The following SLC1A3 variants were observed in gnomAD, a reference collection of about 807,000 sequenced individuals.
SLC1A3 encodes solute carrier family 1 member 3.
Under a neutral mutation model 48.1 loss-of-function variants are expected in SLC1A3, and 21 were observed. The ratio of observed to expected loss-of-function variants is 0.44; its 90% CI spans 0.31 to 0.63. The LOEUF (loss-of-function observed/expected upper bound fraction) is 0.63, where lower values mean the gene tolerates loss of function less well. Ranked by LOEUF, SLC1A3 falls within the 20% of genes least tolerant of loss-of-function variation. SLC1A3 has a pLI of 0.08. For synonymous variants in SLC1A3, 239 were observed against 251.4 expected (o/e 0.95, Z 0.47); for missense variants, 546 against 689.0 (o/e 0.79, Z 2.32).
At chr5:36,628,780 T>A (rs1308493701) in intron 2 of SLC1A3, among the ~76,000 whole-genome samples, 2 of 152,242 alleles carry the variant, frequency 1.3e-5, no homozygotes, top group African/African-American at 4.8e-5. Context: ...CTCTTTCCCC[T>A]ATATTCTCCC....
At chr5:36,602,033 A>C (rs1738814690), upstream of SLC1A3, among the ~76,000 whole-genome samples, 1 of 152,052 alleles carries the variant, frequency 6.6e-6, no homozygotes. Context: ...AGTGGTAATG[A>C]CTCTGGAGAT....
At chr5:36,644,605 C>G (rs530271127) in intron 3 of SLC1A3, among the ~76,000 whole-genome samples, 37 of 152,174 alleles carry the variant, frequency 2.4e-4, no homozygotes, top group African/African-American at 8.4e-4. Flanking sequence ...TTAAAATTTT[C>G]AAAAATAAGG....
intron 8 of SLC1A3, 62 bp downstream of exon 8, chr5:36,680,651 C>T: frequency 2.2e-6 from 3 of 1,394,654 alleles, no homozygotes; most frequent in Non-Finnish European, 3.1e-6. Context: ...GGCGTGGTGG[C>T]TCACGCCTGT....
chr5:36,623,487 C>G (rs896567137), intron 2 of SLC1A3, among the ~76,000 whole-genome samples: 1 of 151,998 alleles, frequency 6.6e-6, no homozygotes, highest in Admixed American at 6.6e-5. Flanking sequence ...TTGGGACTAT[C>G]AATCAATGTG....
chr5:36,609,143 G>A, intron 2 of SLC1A3: 1 of 985,906 alleles, frequency 1.0e-6, no homozygotes, highest in African/African-American at 1.7e-5. Context: ...TGGGGAAAAT[G>A]TTAACACAGA....
intron 3 of SLC1A3, among the ~76,000 whole-genome samples, chr5:36,641,207 T>G (rs1214790278): frequency 6.6e-6 from 1 of 152,262 alleles, no homozygotes; most frequent in African/African-American, 2.4e-5. Flanking sequence ...TTTTTCATCA[T>G]GGCATAATGT....
chr5:36,666,959 C>T (rs1336730899), intron 3 of SLC1A3, among the ~76,000 whole-genome samples: 1 of 152,178 alleles, frequency 6.6e-6, no homozygotes, highest in Non-Finnish European at 1.5e-5. Context: ...GTGATTACTG[C>T]CTAAAATACT....
intron 2 of SLC1A3, among the ~76,000 whole-genome samples, chr5:36,614,206 C>A (rs1739333190): frequency 6.6e-6 from 1 of 152,240 alleles, no homozygotes; most frequent in Non-Finnish European, 1.5e-5. Flanking sequence ...TCCCTAAGTG[C>A]TTGCCAGGTA....
chr5:36,615,351 G>A (rs1432083081), intron 2 of SLC1A3, among the ~76,000 whole-genome samples: 1 of 152,152 alleles, frequency 6.6e-6, no homozygotes, highest in Non-Finnish European at 1.5e-5. Flanking sequence ...TGAATATATA[G>A]AATAATAAAC....
At chr5:36,661,098 A>G (rs1741492021) in intron 3 of SLC1A3, among the ~76,000 whole-genome samples, 1 of 152,238 alleles carries the variant, frequency 6.6e-6, no homozygotes, top group South Asian at 2.1e-4. Flanking sequence ...TATAGTAGAT[A>G]AGATTCACAT....
At chr5:36,626,329 G>A (rs1255706574) in intron 2 of SLC1A3, among the ~76,000 whole-genome samples, 1 of 152,140 alleles carries the variant, frequency 6.6e-6, no homozygotes, top group Non-Finnish European at 1.5e-5. Flanking sequence ...ATCATTAGCA[G>A]AACAGCTATT....
chr5:36,611,662 A>G (rs369547616), intron 2 of SLC1A3, among the ~76,000 whole-genome samples: 15 of 152,306 alleles, frequency 9.8e-5, no homozygotes, highest in African/African-American at 3.6e-4. Context: ...AGGGCCCGTC[A>G]TGAAAGCATT....
intron 3 of SLC1A3, among the ~76,000 whole-genome samples, chr5:36,665,811 C>T (rs1463188903): frequency 3.3e-5 from 5 of 152,216 alleles, no homozygotes; most frequent in Admixed American, 6.5e-5. Context: ...CACTGTGCCA[C>T]TGTCTCTTAG....
At chr5:36,682,473 C>T (rs964153516) in intron 8 of SLC1A3, among the ~76,000 whole-genome samples, 1 of 151,992 alleles carries the variant, frequency 6.6e-6, no homozygotes, top group African/African-American at 2.4e-5. Flanking sequence ...CTCAGCTCAC[C>T]TGTAACCTAT....
intron 3 of SLC1A3, among the ~76,000 whole-genome samples, chr5:36,640,988 C>G (rs186446962): frequency 6.6e-6 from 1 of 152,024 alleles, no homozygotes; most frequent in Non-Finnish European, 1.5e-5. Context: ...CACACACACA[C>G]ATACACACAC....
chr5:36,633,226 C>T (rs149461315), intron 3 of SLC1A3, among the ~76,000 whole-genome samples: 5 of 152,314 alleles, frequency 3.3e-5, no homozygotes, highest in Non-Finnish European at 7.4e-5. Context: ...TTTTCAGAAA[C>T]TAGTGCTTTC....
At chr5:36,662,333 C>A (rs1316828261) in intron 3 of SLC1A3, among the ~76,000 whole-genome samples, 1 of 152,172 alleles carries the variant, frequency 6.6e-6, no homozygotes, top group African/African-American at 2.4e-5. Context: ...CTGCCCAACA[C>A]ACACTTTGCT....
intron 3 of SLC1A3, among the ~76,000 whole-genome samples, chr5:36,633,996 C>T (rs2111773881): frequency 6.6e-6 from 1 of 152,334 alleles, no homozygotes; most frequent in African/African-American, 2.4e-5. Context: ...TTTTAAATGG[C>T]TGGGCGTCGT....
chr5:36,680,295 A>G (rs1394129273), intron 7 of SLC1A3, 100 bp from the exon 8 acceptor site: 8 of 975,848 alleles, frequency 8.2e-6, no homozygotes, highest in Non-Finnish European at 1.3e-5. Context: ...TTAAGTTAGA[A>G]CATGGGAGAG....
Sources: gnomAD v4.1 joint callset for allele counts (sites outside exome capture counted in the v4.1 genomes callset) on GRCh38, gnomAD v4.1.1 for gene constraint, MANE v1.5 for transcripts, NCBI Gene and HGNC (gene_info 2026-07-23, HGNC 2026-07-21) for gene names.